Variants in GMDS observed in about 807,000 individuals in gnomAD.
The protein encoded by GMDS is GDP-mannose 4,6-dehydratase, also known as GDP-mannose 4,6 dehydratase.
Under a neutral mutation model 49.9 loss-of-function variants are expected in GMDS, and 20 were observed. The ratio of observed to expected loss-of-function variants is 0.40; its 90% confidence interval spans 0.28 to 0.58. The LOEUF (loss-of-function observed/expected upper bound fraction) is 0.58, where lower values mean the gene tolerates loss of function less well. Ranked by LOEUF, GMDS falls within the 20% of genes least tolerant of loss-of-function variation. The pLI, the probability that GMDS is intolerant of heterozygous loss-of-function variation, is 0.42. For missense variants in GMDS, 362 were observed against 481.4 expected (o/e 0.75, Z 2.32); for synonymous variants, 177 against 178.6 (o/e 0.99, Z 0.07).
chr6:1,711,224 C>A (rs988751941), intron 9 of GMDS, among the ~76,000 whole-genome samples: 1 of 152,256 alleles, frequency 6.6e-6, no homozygotes, highest in Non-Finnish European at 1.5e-5. Context: ...GGCACAGCTG[C>A]CCCCACTTAC....
chr6:1,730,935 G>C (rs1766776544), intron 8 of GMDS, among the ~76,000 whole-genome samples: 1 of 152,050 alleles, frequency 6.6e-6, no homozygotes, highest in African/African-American at 2.4e-5. Flanking sequence ...AAGCAACGTG[G>C]AGGAAGTAGA....
At chr6:1,951,799 A>G (rs980520095) in intron 6 of GMDS, 5 of 596,086 alleles carry the variant, frequency 8.4e-6, no homozygotes, top group African/African-American at 4.0e-5. Context: ...TAATATTATA[A>G]AACTATGTTT....
chr6:1,992,467 G>T (rs1013543136), intron 4 of GMDS, among the ~76,000 whole-genome samples: 1 of 152,166 alleles, frequency 6.6e-6, no homozygotes, highest in African/African-American at 2.4e-5. Context: ...TCAGCGTCCA[G>T]GCTGTTCCTC....
intron 1 of GMDS, among the ~76,000 whole-genome samples, chr6:2,232,913 A>G (rs903646080): frequency 3.9e-5 from 6 of 151,968 alleles, no homozygotes; most frequent in South Asian, 2.1e-4. Flanking sequence ...CACCATGACG[A>G]AAAAAAACCT....
At position 2,082,172 on chromosome 6, in the gene GMDS, G is replaced by A. The variant is rs111957433; in HGVS notation, c.345+33599C>T. ...TACGTGTTCCCTACTTTACACACAC[G>A]TGTGCGCACACACACACAAACACAC... On this transcript the variant is annotated intron_variant, in intron 4 of 10. Coordinates refer to ENST00000380815, the MANE Select transcript of GMDS (RefSeq NM_001500.4). Among the ~76,000 whole-genome samples, 32 of 152,196 alleles carry A rather than the reference G, an allele frequency of 2.1e-4. 1 individual carries two copies. Among genetic ancestry groups the A allele is most frequent in the African/African-American group, 6.5e-4 (27 of 41,524 alleles).
In GMDS at chr6:2,200,500, C is replaced by T. The variant is rs148163729; in HGVS notation, c.102+44821G>A. ...GAAGAGAGAGCACCACATGGACATC[C>T]GAGATGTAACCAACTAGGCAGTGAG... On this transcript the variant is annotated intron_variant, in intron 1 of 10. Transcript: ENST00000380815. Among the ~76,000 whole-genome samples the T allele has an allele frequency of 4.1e-3, 608 of 147,286 alleles. 6 individuals carry two copies. Among genetic ancestry groups the T allele is most frequent in the African/African-American group, 0.014 (570 of 39,676 alleles).
At chr6:1,951,823 C>A in intron 6 of GMDS, 1 of 740,298 alleles carries the variant, frequency 1.4e-6, no homozygotes, top group Non-Finnish European at 1.6e-6. Context: ...GTAATTATTT[C>A]TGTCAAACAT....
At position 1,762,361 on chromosome 6, in the gene GMDS, G is replaced by A. The variant is rs191329451; in HGVS notation, c.772-19775C>T. ...GGGCTCCTGCTGACGGGTTACTCAC[G>A]ACGAAACTTCAGGGCTGTACCCGGG... is the stretch of plus-strand genomic sequence containing the variant. On this transcript the variant is annotated intron_variant, in intron 7 of 10. Transcript: ENST00000380815. 6.6e-5 allele frequency among the ~76,000 whole-genome samples: 10 copies of A among 152,324 alleles called. No individual in the cohort carries two copies. The East Asian group carries it at 1.7e-3, about 26-fold the overall frequency.
chr6:2,239,402 T>C (rs116129379), intron 1 of GMDS, among the ~76,000 whole-genome samples: 2 of 151,842 alleles, frequency 1.3e-5, no homozygotes, highest in African/African-American at 4.8e-5. Flanking sequence ...AATATAAAGA[T>C]AATTGCATAA....
chr6:1,924,942 C>T (rs1028232454), intron 7 of GMDS, among the ~76,000 whole-genome samples: 13 of 132,060 alleles, frequency 9.8e-5, no homozygotes, highest in African/African-American at 3.1e-4. Context: ...CGGGCGACGG[C>T]GAGACTCCGT....
intron 7 of GMDS, among the ~76,000 whole-genome samples, chr6:1,873,058 T>C (rs561438034): frequency 2.4e-4 from 36 of 152,274 alleles, no homozygotes; most frequent in Admixed American, 6.5e-4. Flanking sequence ...ACAGGAAAGA[T>C]AGAGACACCT....
rs1351206664 is a variant in GMDS at position 1,766,435 on chromosome 6, AAAGCATCTT to A, written c.772-23858_772-23850del. Among the ~76,000 whole-genome samples, 1 of 152,194 alleles carries A rather than the reference AAAGCATCTT, an allele frequency of 6.6e-6. No individual in the cohort carries two copies. The highest frequency in any genetic ancestry group is 2.4e-5 in the African/African-American group (1 of 41,454). ...CTTTGTAGGCCACCACGGAGAGAGA[AAAGCATCTT>A]GAGAATCCTAATGGGAACCAATGAA... On this transcript the variant is annotated intron_variant, in intron 7 of 10. Coordinates refer to ENST00000380815, the MANE Select transcript of GMDS (RefSeq NM_001500.4). This position sits in a 1 kb window ranked among gnomAD's most constrained non-coding sequence, Gnocchi z 4.5.
At chr6:1,660,601 C>T (rs973234301) in intron 9 of GMDS, among the ~76,000 whole-genome samples, 1 of 151,566 alleles carries the variant, frequency 6.6e-6, no homozygotes, top group Non-Finnish European at 1.5e-5. Context: ...ACAGGAATCA[C>T]ACCTCCGGTT....
At chr6:1,796,987 T>C (rs226457) in intron 7 of GMDS, among the ~76,000 whole-genome samples, 85,138 of 151,876 alleles carry the variant, frequency 0.56, 24,267 homozygotes, top group African/African-American at 0.68. Flanking sequence ...CCTTAGATCA[T>C]GACTGCTGTG....
intron 4 of GMDS, among the ~76,000 whole-genome samples, chr6:2,061,698 G>A (rs1771184169): frequency 8.6e-6 from 1 of 116,562 alleles, no homozygotes; most frequent in African/African-American, 3.3e-5. Flanking sequence ...CAGCCTGGGT[G>A]ACAGTGCAAG....
intron 6 of GMDS, among the ~76,000 whole-genome samples, chr6:1,940,896 T>C (rs1392449398): frequency 6.6e-6 from 1 of 152,222 alleles, no homozygotes; most frequent in Non-Finnish European, 1.5e-5. Flanking sequence ...GGTTGTGCTG[T>C]GCTTTGCAGT....
chr6:2,140,850 G>A (rs1022546378), intron 1 of GMDS, among the ~76,000 whole-genome samples: 8 of 152,210 alleles, frequency 5.3e-5, no homozygotes, highest in Non-Finnish European at 1.5e-5. Flanking sequence ...TAGCTTCAAA[G>A]TAGCAGAATG....
intron 4 of GMDS, 88 bp from the exon 5 acceptor site, chr6:1,961,054 C>T (rs1372203708): frequency 9.2e-6 from 6 of 650,444 alleles, no homozygotes; most frequent in Non-Finnish European, 1.5e-5. Context: ...CAATTTCACA[C>T]ACTGTGAAAT....
intron 4 of GMDS, among the ~76,000 whole-genome samples, chr6:1,994,778 A>C (rs751257560): frequency 5.9e-5 from 9 of 152,042 alleles, no homozygotes; most frequent in Admixed American, 2.0e-4. Context: ...CACACAGGGG[A>C]TACATGGCCT....
Sources: allele counts gnomAD v4.1 joint callset (sites outside exome capture counted in the v4.1 genomes callset), GRCh38; gene constraint gnomAD v4.1.1; non-coding constraint Gnocchi (gnomAD v3.1); transcripts MANE v1.5; gene names NCBI Gene and HGNC (gene_info 2026-07-23, HGNC 2026-07-21).